ANKRD30B: variants seen among roughly 807,000 people sequenced by gnomAD.
The protein encoded by ANKRD30B is ankyrin repeat domain-containing protein 30B.
ANKRD30B carries 144 observed loss-of-function variants against 202.2 expected under a neutral mutation model. That is an observed-to-expected ratio of 0.71 (90% confidence interval 0.62 to 0.82). The LOEUF (loss-of-function observed/expected upper bound fraction) is 0.82, where lower values mean the gene tolerates loss of function less well. Ranked by LOEUF, ANKRD30B falls within the 40% of genes least tolerant of loss-of-function variation. ANKRD30B has a pLI of 0.00. For missense variants in ANKRD30B, 1,487 were observed against 1,669.1 expected (o/e 0.89, Z 1.90); for synonymous variants, 508 against 561.3 (o/e 0.91, Z 1.34).
chr18:14,752,041 CTG>C lies in ANKRD30B; in HGVS notation c.222-521_222-520del, dbSNP rs1281251293. Among the ~76,000 whole-genome samples, 4 of 152,160 alleles carry C rather than the reference CTG, an allele frequency of 2.6e-5. No individual in the cohort carries two copies. The East Asian group carries it at 5.8e-4, about 22-fold the overall frequency. On this transcript the variant is annotated intron_variant, in intron 1 of 43. Coordinates refer to ENST00000690538, the MANE Select transcript of ANKRD30B (RefSeq NM_001367607.2). ...TGAGCATCTTAGAATCATTAAAATACTGTGTTATCTCTAACCTTTAAAACACA... is the reference window on the plus strand; with the variant it reads ...TGAGCATCTTAGAATCATTAAAATACTGTTATCTCTAACCTTTAAAACACA...
the ANKRD30B span, among the ~76,000 whole-genome samples, chr18:14,904,331 G>T: frequency 6.6e-6 from 1 of 152,200 alleles, no homozygotes; most frequent in Non-Finnish European, 1.5e-5. Flanking sequence ...AATGAGCCTG[G>T]CTCCTGGTCT....
chr18:14,880,187 C>T, the ANKRD30B span, among the ~76,000 whole-genome samples: 3 of 152,058 alleles, frequency 2.0e-5, no homozygotes, highest in South Asian at 4.2e-4. Flanking sequence ...GATCAGTTGG[C>T]TGTAAGTATT....
At chr18:14,783,604 T>C (rs980117659) in intron 12 of ANKRD30B, among the ~76,000 whole-genome samples, 17 of 152,260 alleles carry the variant, frequency 1.1e-4, no homozygotes, top group African/African-American at 4.1e-4. Flanking sequence ...ATAATAAGAT[T>C]GCTTTTTAAA....
intron 32 of ANKRD30B, among the ~76,000 whole-genome samples, chr18:14,824,207 A>G (rs971093338): frequency 2.9e-4 from 44 of 152,140 alleles, no homozygotes; most frequent in Admixed American, 7.2e-4. Flanking sequence ...TCTAAAACAC[A>G]TTTAATTAGG....
chr18:14,856,513 T>G (rs1488374304), downstream of ANKRD30B, among the ~76,000 whole-genome samples: 1 of 109,822 alleles, frequency 9.1e-6, no homozygotes. Flanking sequence ...TGGGGAGAGG[T>G]GCTCCTCACC....
chr18:14,796,950 T>C (rs1968943185), intron 18 of ANKRD30B, among the ~76,000 whole-genome samples: 1 of 152,178 alleles, frequency 6.6e-6, no homozygotes, highest in Admixed American at 6.5e-5. Flanking sequence ...CAATATAGTG[T>C]GTGCATCGGT....
In ANKRD30B at chr18:14,850,335, A is replaced by C. The variant is rs529629378; in HGVS notation, c.3517A>C (p.Arg1173=). 3.1e-6 allele frequency: 5 copies of C among 1,588,156 alleles called. No homozygotes were observed. In the East Asian group the frequency reaches 1.1e-4, roughly 36 times the overall value. ...GAAACAACAACTTGAACAGACTCTC[A>C]GAATACAAGATATAGAATTGAAAAG... ...EVKQQLEQTL[R]IQDIELKSVT... Residue 1173 remains arginine (R), a synonymous_variant, in exon 41 of 44, where the codon AGA becomes CGA. Transcript: ENST00000690538.
chr18:14,906,231 A>G, the ANKRD30B span, among the ~76,000 whole-genome samples: 100 of 152,240 alleles, frequency 6.6e-4, no homozygotes, highest in African/African-American at 2.3e-3. Flanking sequence ...AATGCCTGCC[A>G]GTCTCTGCCT....
chr18:14,841,357 C>T (rs1051796493), intron 37 of ANKRD30B, among the ~76,000 whole-genome samples: 3 of 151,958 alleles, frequency 2.0e-5, no homozygotes, highest in African/African-American at 4.9e-5. Flanking sequence ...AATAAATTCT[C>T]AAGTGATGCT....
intron 2 of ANKRD30B, 22 bp from the exon 3 acceptor site, chr18:14,752,817 C>T: frequency 1.9e-6 from 3 of 1,595,718 alleles, no homozygotes; most frequent in Non-Finnish European, 2.6e-6. Context: ...TTATAATGTA[C>T]TTCTTGCTTT....
chr18:14,852,615 G>T (rs1386332439), intron 42 of ANKRD30B, 195 bp downstream of exon 42: 3 of 619,368 alleles, frequency 4.8e-6, no homozygotes, highest in Non-Finnish European at 7.1e-6. Context: ...TAAAGGTATT[G>T]TGTCACTGAT....
At chr18:14,936,501 G>A in the ANKRD30B span, among the ~76,000 whole-genome samples, 1 of 152,134 alleles carries the variant, frequency 6.6e-6, no homozygotes, top group African/African-American at 2.4e-5. Flanking sequence ...ACGAGAGGCA[G>A]TGCCTGCCCC....
At chr18:14,885,379 C>T in the ANKRD30B span, among the ~76,000 whole-genome samples, 2 of 151,950 alleles carry the variant, frequency 1.3e-5, no homozygotes, top group Non-Finnish European at 2.9e-5. Flanking sequence ...ATCAATTTTG[C>T]TTACTGGTGT....
chr18:14,821,120 A>G (rs1006631584), intron 30 of ANKRD30B, among the ~76,000 whole-genome samples: 3 of 152,238 alleles, frequency 2.0e-5, no homozygotes, highest in Non-Finnish European at 4.4e-5. Context: ...GAATTTATCT[A>G]TTTATTCTAG....
In ANKRD30B at chr18:14,784,350, C is replaced by T. The variant is rs775375669; in HGVS notation, c.1585C>T (p.Pro529Ser). The T allele has an allele frequency of 5.0e-5, 80 of 1,612,620 alleles. No individual in the cohort carries two copies. The highest frequency in any genetic ancestry group is 3.3e-4 in the Middle Eastern group (2 of 5,974). Residue 529 changes from proline to serine, a missense_variant, in exon 13 of 44, where the codon CCA becomes TCA. Transcript: ENST00000690538. ...NREVEELPEKPSAFKPAVEMQ... is the reference protein window; with the variant it reads ...NREVEELPEKSSAFKPAVEMQ... ...TTGCATTTTAGAGCTTCCTGAGAAG[C>T]CATCTGCCTTCAAGGTATTTAGTTT...
chr18:14,760,940 T>G (rs1915160984), intron 6 of ANKRD30B, among the ~76,000 whole-genome samples: 1 of 152,162 alleles, frequency 6.6e-6, no homozygotes, highest in Admixed American at 6.5e-5. Context: ...AGTTTGTATA[T>G]TGTTTGATTC....
In ANKRD30B at chr18:14,797,048, A is replaced by G. The variant is rs181193178; in HGVS notation, c.1928-613A>G. The stretch of plus-strand genomic sequence containing the variant: ...TTAATCAGCAGTAACAGTTGCAGCA[A>G]AAGCTGGTTACAAACAATCCATAGA... On this transcript the variant is annotated intron_variant, in intron 18 of 43. Coordinates refer to ENST00000690538, the MANE Select transcript of ANKRD30B (RefSeq NM_001367607.2). 3.3e-4 allele frequency among the ~76,000 whole-genome samples: 50 copies of G among 152,306 alleles called. No homozygotes were observed. The East Asian group carries it at 9.5e-3, about 29-fold the overall frequency.
At position 14,764,509 on chromosome 18, in the gene ANKRD30B, T is replaced by C. The variant is rs190535881; in HGVS notation, c.1225+419T>C. ...CCTGGGTTCATGCAATTCTCCTGCCTCAGCCTCCCAAGTAGCTGGGATTAC... is the reference window on the plus strand; with the variant it reads ...CCTGGGTTCATGCAATTCTCCTGCCCCAGCCTCCCAAGTAGCTGGGATTAC... On this transcript the variant is annotated intron_variant, in intron 7 of 43. Transcript: ENST00000690538. 2.8e-3 allele frequency among the ~76,000 whole-genome samples: 429 copies of C among 152,294 alleles called. 2 individuals are homozygous for C. The highest frequency in any genetic ancestry group is 4.6e-3 in the Non-Finnish European group (315 of 68,026).
At chr18:14,922,404 C>G in the ANKRD30B span, among the ~76,000 whole-genome samples, 2 of 152,072 alleles carry the variant, frequency 1.3e-5, no homozygotes, top group East Asian at 3.9e-4. Context: ...GCCTGTAATC[C>G]TAGCACTTTG....
Sources: allele counts gnomAD v4.1 joint callset (sites outside exome capture counted in the v4.1 genomes callset), GRCh38; gene constraint gnomAD v4.1.1; transcripts MANE v1.5; gene names NCBI Gene and HGNC (gene_info 2026-07-23, HGNC 2026-07-21).